ACVR2B: variants seen among roughly 807,000 people sequenced by gnomAD.
ACVR2B encodes the protein activin A receptor type 2B, also known as activin receptor type-2B.
In ACVR2B, 18 loss-of-function variants were observed where a neutral mutation model predicts 65.1. That is an observed-to-expected ratio of 0.28 (90% CI 0.19 to 0.41). The LOEUF is 0.41. Ranked by LOEUF, ACVR2B falls within the 10% of genes least tolerant of loss-of-function variation. ACVR2B has a pLI of 1.00. For synonymous variants in ACVR2B, 298 were observed against 277.7 expected (o/e 1.07, Z -0.73); for missense variants, 482 against 682.7 (o/e 0.71, Z 3.28).
At chr3:38,454,550 C>G in intron 1 of ACVR2B, 176 bp downstream of exon 1, 1 of 461,252 alleles carries the variant, frequency 2.2e-6, no homozygotes, top group Non-Finnish European at 3.4e-6. Flanking sequence ...GCTCGCCGAA[C>G]TTGGGGGCAC....
At chr3:38,461,813 C>T (rs367628416) in intron 1 of ACVR2B, among the ~76,000 whole-genome samples, 3 of 152,238 alleles carry the variant, frequency 2.0e-5, no homozygotes, top group South Asian at 4.1e-4. Flanking sequence ...CCATCCGAGG[C>T]CCCCTCCAAA....
intron 1 of ACVR2B, among the ~76,000 whole-genome samples, chr3:38,467,698 G>C (rs944555307): frequency 1.3e-5 from 2 of 151,538 alleles, no homozygotes; most frequent in African/African-American, 4.9e-5. Context: ...GCTGCAGTGA[G>C]CTGTGATTGA....
At position 38,487,977 on chromosome 3, in the gene ACVR2B, A is replaced by G. The variant is rs1025323605; in HGVS notation, c.*4645A>G. On this transcript the variant is annotated 3_prime_UTR_variant, in exon 11 of 11. Coordinates refer to ENST00000352511, the MANE Select transcript of ACVR2B (RefSeq NM_001106.4). ...CTGATTCCCATTTCAGGGGCATCAG[A>G]CCATACCTTTTTAAGAAGCTCCGTG... The G allele has an allele frequency of 6.6e-6, 1 of 152,178 alleles. No individual in the cohort carries two copies. Among genetic ancestry groups the G allele is most frequent in the Non-Finnish European group, 1.5e-5 (1 of 68,034 alleles). The allele number at this position is 152,178 out of a possible 1,614,324, so 9.4% of individuals were successfully genotyped here. A position where few individuals can be genotyped will look rare whatever the true frequency, so the allele number is the denominator to read the frequency against.
intron 1 of ACVR2B, among the ~76,000 whole-genome samples, chr3:38,457,033 GTC>G (rs1417381068): frequency 1.3e-5 from 2 of 152,060 alleles, no homozygotes; most frequent in African/African-American, 4.8e-5. Context: ...GGTGAAATGC[GTC>G]TCTACTAAAA....
At chr3:38,468,741 A>G (rs530079098) in intron 1 of ACVR2B, among the ~76,000 whole-genome samples, 1 of 152,314 alleles carries the variant, frequency 6.6e-6, no homozygotes, top group South Asian at 2.1e-4. Context: ...GTGATCAGTT[A>G]CCATGTGTGT....
Position 38,461,583 on chromosome 3 carries a change from C to T in ACVR2B, c.52+7209C>T, listed in dbSNP as rs1372814829. On this transcript the variant is annotated intron_variant, in intron 1 of 10. Transcript: ENST00000352511. ...GAAGGAGGGCCAGGGCAATGTAGTCCTATCTCCCCTGCCCTGAAACCTCGC... is the reference window on the plus strand; with the variant it reads ...GAAGGAGGGCCAGGGCAATGTAGTCTTATCTCCCCTGCCCTGAAACCTCGC... 2.0e-5 allele frequency among the ~76,000 whole-genome samples: 3 copies of T among 152,250 alleles called. No individual in the cohort carries two copies. In the East Asian group the frequency reaches 5.8e-4, roughly 29 times the overall value.
At position 38,477,571 on chromosome 3, in the gene ACVR2B, G is replaced by T; in HGVS notation, c.260+77G>T. 6.6e-7 allele frequency: 1 copy of T among 1,515,252 alleles called. No individual in the cohort carries two copies. Among genetic ancestry groups the T allele is most frequent in the Non-Finnish European group, 9.0e-7 (1 of 1,108,128 alleles). 93.9% of individuals were successfully genotyped at this position (1,515,252 alleles called of 1,614,324 possible). ...GCCCACTGGGCCATTTGGGTCTCAGGATGTCTGAGTGGGAGATAAAGGACC... is the reference window on the plus strand; with the variant it reads ...GCCCACTGGGCCATTTGGGTCTCAGTATGTCTGAGTGGGAGATAAAGGACC... On this transcript the variant is annotated intron_variant, in intron 2 of 10. Coordinates refer to ENST00000352511, the MANE Select transcript of ACVR2B (RefSeq NM_001106.4). This position sits in a 1 kb window ranked among gnomAD's most constrained non-coding sequence, Gnocchi z 6.7.
At chr3:38,473,071 A>G (rs527239840) in intron 1 of ACVR2B, among the ~76,000 whole-genome samples, 6 of 152,100 alleles carry the variant, frequency 3.9e-5, no homozygotes, top group East Asian at 1.9e-4. Flanking sequence ...GGGGTGGTGT[A>G]TGTGGGAGTG....
intron 1 of ACVR2B, among the ~76,000 whole-genome samples, chr3:38,455,606 G>A (rs372409671): frequency 1.8e-4 from 28 of 152,144 alleles, no homozygotes; most frequent in African/African-American, 4.8e-4. Context: ...CACCGAAAGC[G>A]AGTGAGTTCT....
intron 7 of ACVR2B, among the ~76,000 whole-genome samples, chr3:38,480,206 AGAGT>A (rs1709993597): frequency 6.6e-6 from 1 of 152,238 alleles, no homozygotes; most frequent in South Asian, 2.1e-4. Context: ...ATTCGCTGTC[AGAGT>A]GAGGACATCA....
chr3:38,468,001 T>C (rs1461889351), intron 1 of ACVR2B, among the ~76,000 whole-genome samples: 1 of 152,042 alleles, frequency 6.6e-6, no homozygotes, highest in Non-Finnish European at 1.5e-5. Flanking sequence ...ACCTCAGCCT[T>C]TGAAGTAGCT....
At chr3:38,471,900 C>T (rs2125718619) in intron 1 of ACVR2B, among the ~76,000 whole-genome samples, 1 of 152,258 alleles carries the variant, frequency 6.6e-6, no homozygotes, top group African/African-American at 2.4e-5. Context: ...TGCATATCAA[C>T]CTGGATGGCT....
intron 1 of ACVR2B, among the ~76,000 whole-genome samples, chr3:38,467,555 A>G (rs1331091323): frequency 1.3e-5 from 2 of 151,730 alleles, no homozygotes; most frequent in African/African-American, 4.8e-5. Context: ...GTTTGAGACC[A>G]TCTTAGGCAA....
intron 1 of ACVR2B, among the ~76,000 whole-genome samples, chr3:38,470,237 G>A (rs575236344): frequency 6.6e-6 from 1 of 152,216 alleles, no homozygotes; most frequent in African/African-American, 2.4e-5. Flanking sequence ...TAGACTAAAG[G>A]CATAGTGAAC....
rs1398595705 is a variant in ACVR2B, at chr3:38,486,998, G to A, written c.*3666G>A. The A allele has an allele frequency of 6.6e-6, 1 of 152,356 alleles. No individual in the cohort carries two copies. The allele number at this position is 152,356 out of a possible 1,614,324, so 9.4% of individuals were successfully genotyped here. ...TCCTGGGACCATTGGTCCTCAGCAG[G>A]AGTTCTTTGCATGAGTTGCTCAGGG... On this transcript the variant is annotated 3_prime_UTR_variant, in exon 11 of 11. Coordinates refer to ENST00000352511, the MANE Select transcript of ACVR2B (RefSeq NM_001106.4).
chr3:38,473,259 G>A (rs1709850115), intron 1 of ACVR2B, among the ~76,000 whole-genome samples: 3 of 152,180 alleles, frequency 2.0e-5, no homozygotes, highest in African/African-American at 7.2e-5. Context: ...TTGTCCTGGT[G>A]TCTGGGGGCC....
Position 38,478,307 on chromosome 3 carries a change from G to T in ACVR2B, c.522+15G>T, listed in dbSNP as rs543664730. The T allele has an allele frequency of 1.9e-6, 3 of 1,614,162 alleles. No individual in the cohort carries two copies. Among genetic ancestry groups the T allele is most frequent in the East Asian group, 2.2e-5 (1 of 44,874 alleles). ...ACATCCATGAGGTGAGACAGTGCTGGCTTGGGGCAGGGCAGGATAGAGGTG... is the reference window on the plus strand; with the variant it reads ...ACATCCATGAGGTGAGACAGTGCTGTCTTGGGGCAGGGCAGGATAGAGGTG... On this transcript the variant is annotated intron_variant, in intron 4 of 10. Transcript: ENST00000352511.
At position 38,477,671 on chromosome 3, in the gene ACVR2B, G is replaced by C. The variant is rs892982726; in HGVS notation, c.260+177G>C. Among the ~76,000 whole-genome samples the C allele has an allele frequency of 6.6e-6, 1 of 152,176 alleles. No homozygotes were observed. The highest frequency in any genetic ancestry group is 1.5e-5 in the Non-Finnish European group (1 of 68,028). ...CTATTTGTCCTACCTTAGCCCTGAG[G>C]AGGGGTCTCAGTGTCAACCCCTGGC... On this transcript the variant is annotated intron_variant, in intron 2 of 10. Coordinates refer to ENST00000352511, the MANE Select transcript of ACVR2B (RefSeq NM_001106.4). The surrounding 1 kb of genome is among the most constrained non-coding windows in gnomAD (Gnocchi z 6.7).
chr3:38,465,815 G>A (rs1267024258), intron 1 of ACVR2B, among the ~76,000 whole-genome samples: 1 of 152,206 alleles, frequency 6.6e-6, no homozygotes, highest in Non-Finnish European at 1.5e-5. Context: ...AAGAAGTCCT[G>A]TGAATCCCAG....
Sources: allele counts gnomAD v4.1 joint callset (sites outside exome capture counted in the v4.1 genomes callset), GRCh38; gene constraint gnomAD v4.1.1; non-coding constraint Gnocchi (gnomAD v3.1); transcripts MANE v1.5; gene names NCBI Gene and HGNC (gene_info 2026-07-23, HGNC 2026-07-21).